ASAP1: variants seen among roughly 807,000 people sequenced by gnomAD.
ASAP1 encodes ArfGAP with SH3 domain, ankyrin repeat and PH domain 1, also known as arf-GAP with SH3 domain, ANK repeat and PH domain-containing protein 1.
ASAP1 carries 43 observed loss-of-function variants against 145.2 expected under a neutral mutation model. The observed-to-expected ratio is 0.30, with a 90% CI of 0.23 to 0.38. The LOEUF (loss-of-function observed/expected upper bound fraction) is 0.38. Among genes scored for constraint, ASAP1 ranks in the 10% least tolerant of loss-of-function variants. The probability of loss-of-function intolerance (pLI) is 1.00; values close to 1 mark genes in which losing one functional copy is unlikely to be tolerated. For missense variants in ASAP1, 1,018 were observed against 1,355.3 expected (o/e 0.75, Z 3.91); for synonymous variants, 546 against 515.5 (o/e 1.06, Z -0.80).
In ASAP1 at chr8:130,052,735, GTTTTTT is replaced by G. The variant is rs5895032; in HGVS notation, c.*1990_*1995del. The stretch of plus-strand genomic sequence containing the variant: ...GCTTTTGTGTTTTTTTTTTGTTTTT[GTTTTTT>G]TTTTTTTTTTGAAAAAAACCAGTTT... On this transcript the variant is annotated 3_prime_UTR_variant, in exon 30 of 30. Coordinates refer to ENST00000518721, the MANE Select transcript of ASAP1 (RefSeq NM_018482.4). 8.2e-6 allele frequency: 1 copy of G among 122,144 alleles called. No homozygotes were observed. Among genetic ancestry groups the G allele is most frequent in the Non-Finnish European group, 1.7e-5 (1 of 58,482 alleles). The allele number at this position is 122,144 out of a possible 1,614,324, so 7.6% of individuals were successfully genotyped here.
At chr8:130,386,699 T>C in intron 2 of ASAP1, 1 of 152,328 alleles carries the variant, frequency 6.6e-6, no homozygotes. Flanking sequence ...CTCGGGAGTC[T>C]AACAGTCAAT....
intron 13 of ASAP1, chr8:130,152,525 G>A (rs1164313860): frequency 2.6e-6 from 1 of 381,726 alleles, no homozygotes; most frequent in Non-Finnish European, 4.6e-6. Flanking sequence ...CATTTTGAGA[G>A]AGCAAAAAAA....
intron 3 of ASAP1, among the ~76,000 whole-genome samples, chr8:130,262,507 T>A (rs1290646311): frequency 6.8e-6 from 1 of 146,562 alleles, no homozygotes; most frequent in Non-Finnish European, 1.5e-5. Flanking sequence ...CACTACTCTC[T>A]CCTCAAGTGA....
chr8:130,079,039 A>T (rs553742574), intron 26 of ASAP1, among the ~76,000 whole-genome samples: 5 of 152,204 alleles, frequency 3.3e-5, no homozygotes, highest in East Asian at 1.9e-4. Context: ...ACAAAAAAAT[A>T]AAAAAATCAG....
intron 1 of ASAP1, chr8:130,427,798 C>A (rs1018388676): frequency 6.6e-6 from 1 of 152,230 alleles, no homozygotes. Flanking sequence ...CCTCTCAATG[C>A]AATGCACAGG....
intron 13 of ASAP1, among the ~76,000 whole-genome samples, chr8:130,139,690 T>C (rs559555155): frequency 1.3e-3 from 202 of 151,484 alleles, no homozygotes; most frequent in African/African-American, 4.6e-3. Flanking sequence ...AGTCACGCCA[T>C]TGCACTCCAG....
chr8:130,055,350 C>T (rs2097401558), intron 29 of ASAP1, among the ~76,000 whole-genome samples: 1 of 151,210 alleles, frequency 6.6e-6, no homozygotes, highest in Non-Finnish European at 1.5e-5. Flanking sequence ...TGGCCAATCC[C>T]AGTACTATTA....
At chr8:130,295,191 G>C (rs761327667) in intron 3 of ASAP1, among the ~76,000 whole-genome samples, 1 of 152,146 alleles carries the variant, frequency 6.6e-6, no homozygotes, top group African/African-American at 2.4e-5. Context: ...GCTGAGAAAG[G>C]AGAATCACTT....
At chr8:130,279,788 T>TA (rs764274754) in intron 3 of ASAP1, among the ~76,000 whole-genome samples, 1 of 152,094 alleles carries the variant, frequency 6.6e-6, no homozygotes, top group Admixed American at 6.6e-5. Flanking sequence ...GGAAAGAACA[T>TA]AGAGCGTTAA....
chr8:130,428,305 G>A (rs1422476241), intron 1 of ASAP1, among the ~76,000 whole-genome samples: 3 of 150,342 alleles, frequency 2.0e-5, no homozygotes, highest in African/African-American at 7.4e-5. Flanking sequence ...AAAATTGGAA[G>A]GAATATTCAT....
At chr8:130,250,089 T>G (rs1474994937) in intron 3 of ASAP1, among the ~76,000 whole-genome samples, 1 of 152,168 alleles carries the variant, frequency 6.6e-6, no homozygotes, top group East Asian at 1.9e-4. Flanking sequence ...ATATTCAAGA[T>G]TTCCATGCAA....
At chr8:130,246,553 G>A (rs928473453) in intron 3 of ASAP1, among the ~76,000 whole-genome samples, 4 of 152,184 alleles carry the variant, frequency 2.6e-5, no homozygotes, top group East Asian at 1.9e-4. Context: ...TCTCTCCAGC[G>A]GCCTTGTGAA....
Position 130,116,725 on chromosome 8 carries a change from C to A in ASAP1, c.2017G>T (p.Ala673Ser). ...VDIVNQAGET[A>S]LDIAKRLKAT... Reference sequence around the variant, plus strand: ...TTTAGTCTCTTTGCTATGTCTAGGGCAGTTTCTCCAGCCTGGTTAACTGAA... The same window carrying A: ...TTTAGTCTCTTTGCTATGTCTAGGGAAGTTTCTCCAGCCTGGTTAACTGAA... Residue 673 changes from alanine to serine, a missense_variant, in exon 22 of 30, where the codon GCC becomes TCC. Transcript: ENST00000518721. 2 of 1,614,084 alleles carry A rather than the reference C, an allele frequency of 1.2e-6. No individual in the cohort carries two copies. The highest frequency in any genetic ancestry group is 8.5e-7 in the Non-Finnish European group (1 of 1,179,982).
chr8:130,317,726 T>C (rs555496151), intron 3 of ASAP1, among the ~76,000 whole-genome samples: 1 of 152,364 alleles, frequency 6.6e-6, no homozygotes, highest in South Asian at 2.1e-4. Flanking sequence ...TTTGTTTCAC[T>C]AGTGCTAAGA....
intron 2 of ASAP1, among the ~76,000 whole-genome samples, chr8:130,363,131 C>T (rs960032717): frequency 2.0e-5 from 3 of 152,186 alleles, no homozygotes; most frequent in African/African-American, 7.2e-5. Context: ...ATTCAACGAG[C>T]TAAGGTATAT....
intron 3 of ASAP1, among the ~76,000 whole-genome samples, chr8:130,347,034 T>C (rs1320956300): frequency 6.6e-6 from 1 of 152,222 alleles, no homozygotes; most frequent in Non-Finnish European, 1.5e-5. Context: ...AAGCCATTAG[T>C]CCTCACTGGA....
chr8:130,285,724 T>C (rs1354555037), intron 3 of ASAP1, among the ~76,000 whole-genome samples: 1 of 152,242 alleles, frequency 6.6e-6, no homozygotes, highest in Non-Finnish European at 1.5e-5. Context: ...TACCAGTTTT[T>C]GTCTTCTATA....
intron 3 of ASAP1, among the ~76,000 whole-genome samples, chr8:130,334,936 C>A (rs144413361): frequency 6.6e-6 from 1 of 152,162 alleles, no homozygotes; most frequent in Non-Finnish European, 1.5e-5. Flanking sequence ...AGACCTCCAA[C>A]CCTCCTTTCA....
intron 18 of ASAP1, 72 bp downstream of exon 18, chr8:130,123,940 AG>A: frequency 2.8e-5 from 34 of 1,202,026 alleles, no homozygotes; most frequent in Middle Eastern, 2.3e-4. Flanking sequence ...AAAAAAAAAA[AG>A]AAGTTTTTTG....
Sources: gnomAD v4.1 joint callset for allele counts (sites outside exome capture counted in the v4.1 genomes callset) on GRCh38, gnomAD v4.1.1 for gene constraint, MANE v1.5 for transcripts, NCBI Gene and HGNC (gene_info 2026-07-23, HGNC 2026-07-21) for gene names.